SNAP25: variants seen among roughly 807,000 people sequenced by gnomAD.
The protein encoded by SNAP25 is synaptosomal-associated protein 25.
Under a neutral mutation model 28.7 loss-of-function variants are expected in SNAP25, and 3 were observed. The ratio of observed to expected loss-of-function variants is 0.10; its 90% CI spans 0.05 to 0.27. The LOEUF (loss-of-function observed/expected upper bound fraction) is 0.27. SNAP25 is among the 10% of genes least tolerant of loss of function. SNAP25 has a pLI of 1.00. For missense variants in SNAP25, 117 were observed against 278.7 expected (o/e 0.42, Z 4.13); for synonymous variants, 61 against 88.1 (o/e 0.69, Z 1.72).
In SNAP25 at chr20:10,277,688, C is replaced by T; in HGVS notation, c.76C>T (p.Leu26=). 6.2e-7 allele frequency: 1 copy of T among 1,613,396 alleles called. No individual in the cohort carries two copies. Among genetic ancestry groups the T allele is most frequent in the Non-Finnish European group, 8.5e-7 (1 of 1,179,856 alleles). ...RRADQLADES[L]ESTRRMLQLV... is the part of the protein sequence containing the mutation. ...TTGTTTGTTTTTTAAATCTTAGTCG[C>T]TGGAAAGCACCCGTCGTATGCTGCA... The change falls in exon 3 of 8, where the codon CTG becomes TTG. Residue 26 remains leucine (L), a synonymous_variant. Coordinates refer to ENST00000254976, the MANE Select transcript of SNAP25 (RefSeq NM_130811.4).
Position 10,275,515 on chromosome 20 carries a change from C to T in SNAP25, c.24C>T (p.Arg8=). Reference sequence around the variant, plus strand: ...CCATGGCCGAAGACGCAGACATGCGCAATGAGCTGGAGGAGATGCAGCGAA... The same window carrying T: ...CCATGGCCGAAGACGCAGACATGCGTAATGAGCTGGAGGAGATGCAGCGAA... MAEDADM[R]NELEEMQRRA... Residue 8 remains arginine, a synonymous_variant, in exon 2 of 8, where the codon CGC becomes CGT. Coordinates refer to ENST00000254976, the MANE Select transcript of SNAP25 (RefSeq NM_130811.4). 1 of 1,606,800 alleles carries T rather than the reference C, an allele frequency of 6.2e-7. No individual in the cohort carries two copies. The highest frequency in any genetic ancestry group is 8.5e-7 in the Non-Finnish European group (1 of 1,176,420).
chr20:10,228,352 T>G (rs913614082), intron 1 of SNAP25, among the ~76,000 whole-genome samples: 5 of 152,126 alleles, frequency 3.3e-5, no homozygotes, highest in Non-Finnish European at 5.9e-5. Flanking sequence ...TCCATGGTTT[T>G]CCCCACCACC....
At chr20:10,250,772 C>T (rs2063212361) in intron 1 of SNAP25, among the ~76,000 whole-genome samples, 1 of 152,010 alleles carries the variant, frequency 6.6e-6, no homozygotes, top group African/African-American at 2.4e-5. Flanking sequence ...ATGGGTGGTC[C>T]CATAAGATAA....
intron 1 of SNAP25, among the ~76,000 whole-genome samples, chr20:10,271,389 T>C (rs961183319): frequency 3.3e-5 from 5 of 152,204 alleles, no homozygotes; most frequent in African/African-American, 1.2e-4. Flanking sequence ...CCGTTCTTAT[T>C]AGGAGAGGGG....
At chr20:10,223,264 A>G (rs62185224) in intron 1 of SNAP25, among the ~76,000 whole-genome samples, 1 of 152,164 alleles carries the variant, frequency 6.6e-6, no homozygotes, top group African/African-American at 2.4e-5. Context: ...GATTACACCC[A>G]TTTCCTTTCT....
chr20:10,244,098 A>G (rs2063084654), intron 1 of SNAP25, among the ~76,000 whole-genome samples: 1 of 152,188 alleles, frequency 6.6e-6, no homozygotes, highest in Non-Finnish European at 1.5e-5. Flanking sequence ...TTGGTCAAAT[A>G]TCTGTTTCTA....
intron 1 of SNAP25, among the ~76,000 whole-genome samples, chr20:10,238,668 G>A (rs1423927461): frequency 6.6e-6 from 1 of 152,160 alleles, no homozygotes; most frequent in Non-Finnish European, 1.5e-5. Context: ...CCAGCACTTT[G>A]AGAGGCCGAG....
intron 1 of SNAP25, among the ~76,000 whole-genome samples, chr20:10,258,702 GTTAC>G: frequency 2.0e-5 from 3 of 152,340 alleles, no homozygotes; most frequent in Middle Eastern, 6.8e-3. Context: ...AGTCACAGTA[GTTAC>G]TTACCTTAAG....
At chr20:10,287,265 A>C (rs1421630372) in intron 4 of SNAP25, among the ~76,000 whole-genome samples, 1 of 152,108 alleles carries the variant, frequency 6.6e-6, no homozygotes, top group Non-Finnish European at 1.5e-5. Context: ...CTCATCTGAC[A>C]AAGGGCTAAT....
chr20:10,270,183 G>A (rs944007268), intron 1 of SNAP25, among the ~76,000 whole-genome samples: 3 of 152,062 alleles, frequency 2.0e-5, no homozygotes, highest in Non-Finnish European at 4.4e-5. Context: ...AAATCTGGGA[G>A]GCAGAGGTTG....
chr20:10,252,122 G>A (rs1210730843), intron 1 of SNAP25, among the ~76,000 whole-genome samples: 1 of 152,092 alleles, frequency 6.6e-6, no homozygotes. Flanking sequence ...CTGCACATAC[G>A]GAGACACCCA....
chr20:10,279,895 T>A (rs931234619), intron 3 of SNAP25, among the ~76,000 whole-genome samples: 1 of 152,244 alleles, frequency 6.6e-6, no homozygotes, highest in Non-Finnish European at 1.5e-5. Flanking sequence ...GGTTATTTTC[T>A]ATTTATGGTC....
intron 1 of SNAP25, among the ~76,000 whole-genome samples, chr20:10,240,665 C>T (rs975470324): frequency 2.0e-5 from 3 of 152,210 alleles, no homozygotes; most frequent in African/African-American, 4.8e-5. Context: ...CAGCCAGAGG[C>T]CTTCCAAACG....
chr20:10,306,121 T>C lies in SNAP25; in HGVS notation c.553-8T>C. 1 of 1,613,190 alleles carries C rather than the reference T, an allele frequency of 6.2e-7. No homozygotes were observed. The highest frequency in any genetic ancestry group is 8.5e-7 in the Non-Finnish European group (1 of 1,179,472). On this transcript the variant is annotated splice_region_variant and splice_polypyrimidine_tract_variant and intron_variant, in intron 7 of 7. Coordinates refer to ENST00000254976, the MANE Select transcript of SNAP25 (RefSeq NM_130811.4). ...ACCTGAGTTCTGTTTCTTTTCCCCCTTTTCTAGGCTGATTCCAACAAAACC... is the reference window on the plus strand; with the variant it reads ...ACCTGAGTTCTGTTTCTTTTCCCCCCTTTCTAGGCTGATTCCAACAAAACC...
chr20:10,268,259 C>T lies in SNAP25; in HGVS notation c.-63-7170C>T, dbSNP rs142377034. 1.3e-5 allele frequency among the ~76,000 whole-genome samples: 2 copies of T among 152,134 alleles called. 1 individual carries two copies. The highest frequency in any genetic ancestry group is 4.8e-5 in the African/African-American group (2 of 41,512). The stretch of plus-strand genomic sequence containing the variant: ...GTTGAATTTGAAGGTGTACCTCCAC[C>T]AGAAAACAGGCAGGGTCTGCAGGAA... On this transcript the variant is annotated intron_variant, in intron 1 of 7. Transcript: ENST00000254976.
chr20:10,247,973 C>T (rs2063158401), intron 1 of SNAP25, among the ~76,000 whole-genome samples: 1 of 152,146 alleles, frequency 6.6e-6, no homozygotes, highest in Non-Finnish European at 1.5e-5. Context: ...GTTTAGAGTG[C>T]CTTAGCTAAG....
intron 1 of SNAP25, among the ~76,000 whole-genome samples, chr20:10,234,964 A>G (rs546189184): frequency 3.3e-5 from 5 of 152,248 alleles, no homozygotes; most frequent in Admixed American, 3.3e-4. Flanking sequence ...TGAGAGGCCA[A>G]GGCAGAAGGA....
chr20:10,280,834 A>T (rs2063766368), intron 3 of SNAP25, among the ~76,000 whole-genome samples: 2 of 152,160 alleles, frequency 1.3e-5, no homozygotes, highest in Admixed American at 1.3e-4. Flanking sequence ...GACTTTCAAG[A>T]CACTTTGGCC....
intron 1 of SNAP25, among the ~76,000 whole-genome samples, chr20:10,263,237 T>C (rs1164237224): frequency 1.3e-5 from 2 of 151,712 alleles, no homozygotes; most frequent in African/African-American, 4.8e-5. Context: ...GCCAGGATGG[T>C]CTCGATCTCC....
Sources: allele counts gnomAD v4.1 joint callset (sites outside exome capture counted in the v4.1 genomes callset), GRCh38; gene constraint gnomAD v4.1.1; transcripts MANE v1.5; gene names NCBI Gene and HGNC (gene_info 2026-07-23, HGNC 2026-07-21).